The following KAZN variants were observed in gnomAD, a reference collection of about 807,000 sequenced individuals.
The protein encoded by KAZN is kazrin.
A neutral mutation model predicts 87.4 loss-of-function variants in KAZN; 40 were observed. The ratio of observed to expected loss-of-function variants is 0.46; its 90% confidence interval spans 0.36 to 0.60. The LOEUF (loss-of-function observed/expected upper bound fraction) is 0.60, where lower values mean the gene tolerates loss of function less well. Among genes scored for constraint, KAZN ranks in the 20% least tolerant of loss-of-function variants. The pLI is 0.00. For missense variants in KAZN, 898 were observed against 1,073.9 expected (o/e 0.84, Z 2.29); for synonymous variants, 466 against 458.3 (o/e 1.02, Z -0.22).
chr1:14,137,536 C>T (rs1307871785), intron 1 of KAZN, among the ~76,000 whole-genome samples: 1 of 152,042 alleles, frequency 6.6e-6, no homozygotes, highest in Non-Finnish European at 1.5e-5. Context: ...GCTGGGTGTC[C>T]TTCGGCAAGT....
intron 2 of KAZN, among the ~76,000 whole-genome samples, chr1:14,242,601 A>G (rs1217105370): frequency 6.6e-6 from 1 of 152,244 alleles, no homozygotes; most frequent in Admixed American, 6.5e-5. Context: ...GAAAGACTAG[A>G]GAATAAAGCA....
At chr1:14,764,189 C>T (rs980478512) in intron 1 of KAZN, among the ~76,000 whole-genome samples, 10 of 152,184 alleles carry the variant, frequency 6.6e-5, no homozygotes, top group African/African-American at 2.2e-4. Flanking sequence ...TCCACATTCC[C>T]GGGGCACTGA....
intron 1 of KAZN, among the ~76,000 whole-genome samples, chr1:14,152,212 C>T (rs1016323935): frequency 7.2e-5 from 11 of 152,106 alleles, no homozygotes; most frequent in African/African-American, 2.7e-4. Flanking sequence ...GTTAAATATA[C>T]AATTAAATTA....
intron 2 of KAZN, among the ~76,000 whole-genome samples, chr1:14,354,232 G>A (rs1410771554): frequency 6.6e-6 from 1 of 151,992 alleles, no homozygotes; most frequent in Non-Finnish European, 1.5e-5. Context: ...TCTTTTAGAA[G>A]AAACTACAGG....
chr1:13,986,271 C>A (rs1053273223), intron 1 of KAZN, among the ~76,000 whole-genome samples: 13 of 152,054 alleles, frequency 8.5e-5, no homozygotes, highest in African/African-American at 3.1e-4. Flanking sequence ...TACAAATTTG[C>A]ATTAGGAACA....
chr1:14,106,125 A>G (rs752955271), intron 1 of KAZN, among the ~76,000 whole-genome samples: 92 of 152,352 alleles, frequency 6.0e-4, no homozygotes, highest in Middle Eastern at 3.4e-3. Flanking sequence ...CCATCCAGCC[A>G]TGAACAAACC....
chr1:15,024,329 G>A (rs190896988), intron 2 of KAZN, among the ~76,000 whole-genome samples: 3 of 152,304 alleles, frequency 2.0e-5, no homozygotes, highest in Non-Finnish European at 4.4e-5. Flanking sequence ...GTTGGCGACC[G>A]GCATGGAAAA....
chr1:14,823,840 G>A (rs76145557), intron 1 of KAZN, among the ~76,000 whole-genome samples: 2,168 of 152,286 alleles, frequency 0.014, 57 homozygotes, highest in African/African-American at 0.049. Context: ...TGGGCCCGGC[G>A]TGGTGGCTTG....
chr1:14,633,136 C>G (rs113336376), intron 1 of KAZN, among the ~76,000 whole-genome samples: 1 of 152,056 alleles, frequency 6.6e-6, no homozygotes, highest in Non-Finnish European at 1.5e-5. Context: ...AGGCTGGTCT[C>G]GAACTCCTGA....
intron 2 of KAZN, among the ~76,000 whole-genome samples, chr1:14,297,878 G>T (rs539193917): frequency 1.3e-5 from 2 of 152,184 alleles, no homozygotes; most frequent in Non-Finnish European, 2.9e-5. Context: ...AGTAGGAGTT[G>T]CTGCCCTGGA....
At chr1:14,689,201 AAAC>A (rs1474183685) in intron 1 of KAZN, among the ~76,000 whole-genome samples, 2 of 122,828 alleles carry the variant, frequency 1.6e-5, no homozygotes, top group African/African-American at 7.0e-5. Context: ...TCTCAAAACA[AAAC>A]AAAACAAAAC....
chr1:14,100,696 G>A (rs1644230581), intron 1 of KAZN, among the ~76,000 whole-genome samples: 1 of 152,168 alleles, frequency 6.6e-6, no homozygotes, highest in Admixed American at 6.5e-5. Flanking sequence ...TAGACTTCCA[G>A]AAAGAAACAG....
intron 1 of KAZN, among the ~76,000 whole-genome samples, chr1:14,892,849 C>T (rs114101178): frequency 2.0e-5 from 3 of 152,088 alleles, no homozygotes; most frequent in Non-Finnish European, 4.4e-5. Flanking sequence ...CACACACACA[C>T]AAAAGCTTCC....
intron 2 of KAZN, among the ~76,000 whole-genome samples, chr1:14,548,284 T>A (rs562946882): frequency 6.6e-6 from 1 of 150,438 alleles, no homozygotes; most frequent in East Asian, 2.0e-4. Flanking sequence ...CTGCAACCAC[T>A]GCCTCCTGGG....
chr1:14,514,635 A>C (rs1299586739), intron 2 of KAZN, among the ~76,000 whole-genome samples: 2 of 55,248 alleles, frequency 3.6e-5, no homozygotes, highest in African/African-American at 1.3e-4. Context: ...ATATATATAT[A>C]TATATCTCAA....
intron 2 of KAZN, among the ~76,000 whole-genome samples, chr1:14,577,883 A>T (rs1195161408): frequency 6.6e-6 from 1 of 152,186 alleles, no homozygotes; most frequent in African/African-American, 2.4e-5. Context: ...AGAAAGCAAC[A>T]TGATTTGCCT....
chr1:14,340,332 C>T (rs1657588514), intron 2 of KAZN, among the ~76,000 whole-genome samples: 1 of 152,172 alleles, frequency 6.6e-6, no homozygotes, highest in African/African-American at 2.4e-5. Context: ...CTTTATATAA[C>T]CAAGTTTTAC....
At chr1:14,925,441 A>G (rs182613470) in intron 1 of KAZN, among the ~76,000 whole-genome samples, 4 of 152,284 alleles carry the variant, frequency 2.6e-5, no homozygotes, top group East Asian at 1.9e-4. Flanking sequence ...TCGAACACCT[A>G]TTGTGTTCTA....
At chr1:14,854,414 A>G (rs1247049303) in intron 1 of KAZN, among the ~76,000 whole-genome samples, 1 of 152,174 alleles carries the variant, frequency 6.6e-6, no homozygotes, top group Non-Finnish European at 1.5e-5. Flanking sequence ...TATACAGAAA[A>G]GAGGTTTATT....
Sources: gnomAD v4.1 joint callset for allele counts (sites outside exome capture counted in the v4.1 genomes callset) on GRCh38, gnomAD v4.1.1 for gene constraint, MANE v1.5 for transcripts, NCBI Gene and HGNC (gene_info 2026-07-23, HGNC 2026-07-21) for gene names.